Variants in KLHL8 observed in about 807,000 individuals in gnomAD.
The protein encoded by KLHL8 is kelch like family member 8.
KLHL8 carries 38 observed loss-of-function variants against 63.5 expected under a neutral mutation model. The observed-to-expected ratio is 0.60, with a 90% confidence interval of 0.46 to 0.78. KLHL8 has a LOEUF of 0.78. Ranked by LOEUF, KLHL8 falls within the 30% of genes least tolerant of loss-of-function variation. KLHL8 has a pLI of 0.00. For synonymous variants in KLHL8, 224 were observed against 254.3 expected (o/e 0.88, Z 1.13); for missense variants, 566 against 752.4 (o/e 0.75, Z 2.90).
chr4:87,206,837 G>GT (rs1451384065), intron 1 of KLHL8, among the ~76,000 whole-genome samples: 1 of 151,944 alleles, frequency 6.6e-6, no homozygotes. Context: ...TCTCCAACTC[G>GT]TTCACTTTTT....
rs1732788293 is a variant in KLHL8 at position 87,220,404 on chromosome 4, G to C, written c.-152+14C>G. The C allele has an allele frequency of 6.6e-6, 1 of 152,286 alleles. No homozygotes were observed. The highest frequency in any genetic ancestry group is 1.5e-5 in the Non-Finnish European group (1 of 68,140). 9.4% of individuals were successfully genotyped at this position (152,286 alleles called of 1,614,324 possible). ...GGAGACGAGGGGACTGAGGGGAGAC[G>C]AGCGTCCCGTTACCTCGATCCTCGA... On this transcript the variant is annotated intron_variant, in intron 1 of 9. Coordinates refer to ENST00000273963, the MANE Select transcript of KLHL8 (RefSeq NM_020803.5).
intron 2 of KLHL8, among the ~76,000 whole-genome samples, chr4:87,186,329 T>C (rs1040576382): frequency 5.9e-5 from 9 of 152,068 alleles, no homozygotes; most frequent in African/African-American, 2.2e-4. Flanking sequence ...ATTACCAGTG[T>C]GAGCCACCAC....
intron 1 of KLHL8, among the ~76,000 whole-genome samples, chr4:87,204,955 T>A (rs1732061051): frequency 6.6e-6 from 1 of 152,198 alleles, no homozygotes; most frequent in Non-Finnish European, 1.5e-5. Context: ...TTCATGGACT[T>A]GTACCCCAAA....
intron 1 of KLHL8, among the ~76,000 whole-genome samples, chr4:87,198,821 T>G (rs889090594): frequency 2.6e-5 from 4 of 152,160 alleles, no homozygotes; most frequent in African/African-American, 9.7e-5. Flanking sequence ...ATTTGAATAT[T>G]TGCACACCCA....
chr4:87,215,289 T>C lies in KLHL8; in HGVS notation c.-152+5129A>G, dbSNP rs370761110. Reference sequence around the variant, plus strand: ...TAAAATAACTAAAGATCCAACGTAGTGACTTATCTTTTATATATAAAGTAT... The same window carrying C: ...TAAAATAACTAAAGATCCAACGTAGCGACTTATCTTTTATATATAAAGTAT... On this transcript the variant is annotated intron_variant, in intron 1 of 9. Coordinates refer to ENST00000273963, the MANE Select transcript of KLHL8 (RefSeq NM_020803.5). Among the ~76,000 whole-genome samples the C allele has an allele frequency of 3.9e-5, 6 of 152,330 alleles. No homozygotes were observed. In the South Asian group the frequency reaches 1.0e-3, roughly 26 times the overall value.
chr4:87,206,170 T>C (rs770442502), intron 1 of KLHL8, among the ~76,000 whole-genome samples: 1 of 152,152 alleles, frequency 6.6e-6, no homozygotes, highest in Non-Finnish European at 1.5e-5. Flanking sequence ...TTTCTTCCTA[T>C]TGTCATTGAA....
chr4:87,214,314 T>C (rs1732507328), intron 1 of KLHL8, among the ~76,000 whole-genome samples: 1 of 150,476 alleles, frequency 6.6e-6, no homozygotes. Context: ...TAACGTTTCA[T>C]TAGCTTTAGT....
chr4:87,225,937 T>G (rs1732965203), intron 1 of KLHL8, among the ~76,000 whole-genome samples: 1 of 152,126 alleles, frequency 6.6e-6, no homozygotes. Context: ...CCCATGAACC[T>G]GCCTAGATAG....
At chr4:87,207,972 T>C in intron 1 of KLHL8, 1 of 786,100 alleles carries the variant, frequency 1.3e-6, no homozygotes, top group Non-Finnish European at 2.2e-6. Flanking sequence ...CCACCTTCAA[T>C]GTTAGGGCTG....
intron 1 of KLHL8, among the ~76,000 whole-genome samples, chr4:87,208,931 GAC>G (rs986629947): frequency 4.7e-4 from 72 of 152,060 alleles, no homozygotes; most frequent in African/African-American, 1.7e-3. Context: ...ATTTGGATAG[GAC>G]ACAACAGCTC....
chr4:87,215,649 T>C (rs962676148), intron 1 of KLHL8, among the ~76,000 whole-genome samples: 1 of 152,222 alleles, frequency 6.6e-6, no homozygotes, highest in Non-Finnish European at 1.5e-5. Flanking sequence ...TAAAGCCTTA[T>C]AGCCCAGCAA....
chr4:87,178,763 A>G, intron 4 of KLHL8, 143 bp from the exon 5 acceptor site: 2 of 792,724 alleles, frequency 2.5e-6, no homozygotes, highest in Non-Finnish European at 1.8e-6. Flanking sequence ...TAGAAATCTA[A>G]TAAAATTTTC....
intron 1 of KLHL8, among the ~76,000 whole-genome samples, chr4:87,209,307 G>A (rs185160576): frequency 1.6e-4 from 24 of 152,196 alleles, no homozygotes; most frequent in Admixed American, 4.6e-4. Context: ...ATGGACATCC[G>A]TGGCACATCA....
chr4:87,175,711 A>T lies in KLHL8; in HGVS notation c.1208+1046T>A, dbSNP rs533626983. ...TACTAAAAATCTTCCCTTTAGACTG[A>T]TACATTAATCAGCATATATTCCAGT... On this transcript the variant is annotated intron_variant, in intron 6 of 9. Transcript: ENST00000273963. Among the ~76,000 whole-genome samples, 4 of 152,308 alleles carry T rather than the reference A, an allele frequency of 2.6e-5. No individual in the cohort carries two copies. In the South Asian group the frequency reaches 8.3e-4, roughly 32 times the overall value.
chr4:87,212,482 A>T (rs1732439702), intron 1 of KLHL8, among the ~76,000 whole-genome samples: 1 of 152,066 alleles, frequency 6.6e-6, no homozygotes, highest in Admixed American at 6.6e-5. Flanking sequence ...CAGGGGACTG[A>T]GGTAGGAGGA....
chr4:87,183,687 T>C (rs1005600856), intron 3 of KLHL8, among the ~76,000 whole-genome samples: 2 of 152,228 alleles, frequency 1.3e-5, no homozygotes, highest in African/African-American at 4.8e-5. Flanking sequence ...ATAATTGAAT[T>C]GTCTTCATTC....
intron 1 of KLHL8, among the ~76,000 whole-genome samples, chr4:87,196,063 C>T (rs1376524607): frequency 6.6e-6 from 1 of 152,072 alleles, no homozygotes; most frequent in Non-Finnish European, 1.5e-5. Flanking sequence ...AATCTACCCA[C>T]CTAGGCCTCT....
intron 1 of KLHL8, among the ~76,000 whole-genome samples, chr4:87,204,383 T>TAA (rs778181173): frequency 4.3e-5 from 6 of 138,006 alleles, no homozygotes; most frequent in Non-Finnish European, 6.3e-5. Flanking sequence ...ATCACTGTTC[T>TAA]AAAAAAAAAA....
At chr4:87,172,253 C>T (rs147399329) in intron 6 of KLHL8, among the ~76,000 whole-genome samples, 5 of 152,224 alleles carry the variant, frequency 3.3e-5, no homozygotes, top group African/African-American at 7.2e-5. Flanking sequence ...TAGCCAACAG[C>T]CAATAAAAAT....
Sources: gnomAD v4.1 joint callset for allele counts (sites outside exome capture counted in the v4.1 genomes callset) on GRCh38, gnomAD v4.1.1 for gene constraint, MANE v1.5 for transcripts, NCBI Gene and HGNC (gene_info 2026-07-23, HGNC 2026-07-21) for gene names.